AAK1: variants seen among roughly 807,000 people sequenced by gnomAD.
The protein encoded by AAK1 is AP2-associated protein kinase 1.
In AAK1, 37 loss-of-function variants were observed where a neutral mutation model predicts 116.0. The ratio of observed to expected loss-of-function variants is 0.32; its 90% CI spans 0.25 to 0.42. The LOEUF is 0.42. AAK1 is among the 10% of genes least tolerant of loss of function. The probability of loss-of-function intolerance (pLI) is 1.00; values close to 1 mark genes in which losing one functional copy is unlikely to be tolerated. For synonymous variants in AAK1, 458 were observed against 439.9 expected (o/e 1.04, Z -0.51); for missense variants, 919 against 1,170.6 (o/e 0.79, Z 3.14).
chr2:69,551,731 G>A (rs1379175640), intron 3 of AAK1, among the ~76,000 whole-genome samples: 1 of 152,162 alleles, frequency 6.6e-6, no homozygotes, highest in African/African-American at 2.4e-5. Context: ...CAGGCAAAGG[G>A]ATCAGAAGTC....
chr2:69,588,291 C>T (rs934953184), intron 2 of AAK1, among the ~76,000 whole-genome samples: 1 of 152,202 alleles, frequency 6.6e-6, no homozygotes, highest in East Asian at 1.9e-4. Flanking sequence ...TCCTCCACCC[C>T]CTTCTTTCCT....
chr2:69,610,030 G>A lies in AAK1; in HGVS notation c.163+32848C>T, dbSNP rs188237546. On this transcript the variant is annotated intron_variant, in intron 2 of 21. Transcript: ENST00000409085. ...CACACCACTGCACTCCAGCCTGGGC[G>A]ACAGAGTGAGACTCTGTCTCAAAAA... 9.3e-3 allele frequency among the ~76,000 whole-genome samples: 1,218 copies of A among 131,346 alleles called. 15 individuals are homozygous for A. Among genetic ancestry groups the A allele is most frequent in the East Asian group, 0.047 (217 of 4,592 alleles). The allele number at this position is 131,346 out of a possible 152,430, so 86.2% of individuals were successfully genotyped here. A position where few individuals can be genotyped will look rare whatever the true frequency, so the allele number is the denominator to read the frequency against.
intron 6 of AAK1, among the ~76,000 whole-genome samples, chr2:69,531,238 C>T (rs1450979182): frequency 6.6e-6 from 1 of 152,116 alleles, no homozygotes; most frequent in African/African-American, 2.4e-5. Flanking sequence ...AGTATAAGCA[C>T]GTCCTCGAAG....
Position 69,556,984 on chromosome 2 carries a change from A to G in AAK1, c.164-6T>C. 6.3e-7 allele frequency: 1 copy of G among 1,597,388 alleles called. No homozygotes were observed. Among genetic ancestry groups the G allele is most frequent in the South Asian group, 1.1e-5 (1 of 90,674 alleles). ...AAATACAATAGCAAATCCACCTGTG[A>G]GAGAAACACACACAAGCTCTTTTGA... On this transcript the variant is annotated splice_polypyrimidine_tract_variant and splice_region_variant and intron_variant, in intron 2 of 21. Transcript: ENST00000409085.
intron 2 of AAK1, among the ~76,000 whole-genome samples, chr2:69,581,422 C>T (rs1672537601): frequency 6.6e-6 from 1 of 152,100 alleles, no homozygotes; most frequent in African/African-American, 2.4e-5. Context: ...AAACAGTGCA[C>T]TACAATCAGT....
In AAK1 at chr2:69,540,121, C is replaced by CTTTTTTTTTTTTTTTTTTTT. The variant is rs538276702; in HGVS notation, c.534+2401_534+2402insAAAAAAAAAAAAAAAAAAAA. Among the ~76,000 whole-genome samples, 3 of 127,818 alleles carry CTTTTTTTTTTTTTTTTTTTT rather than the reference C, an allele frequency of 2.3e-5. 1 individual carries two copies. The highest frequency in any genetic ancestry group is 6.2e-5 in the African/African-American group (2 of 32,312). The allele number at this position is 127,818 out of a possible 152,430, so 83.9% of individuals were successfully genotyped here. On this transcript the variant is annotated intron_variant, in intron 5 of 21. Coordinates refer to ENST00000409085, the MANE Select transcript of AAK1 (RefSeq NM_014911.5). Reference sequence around the variant, plus strand: ...AACATGCATTCCCTGCCCCACTTGCCTTTTTTTTTTTTTTTTTTGAGACAG... The same window carrying CTTTTTTTTTTTTTTTTTTTT: ...AACATGCATTCCCTGCCCCACTTGCCTTTTTTTTTTTTTTTTTTTTTTTTTTTTTTTTTTTTTTGAGACAG...
At chr2:69,640,014 A>AACACACACACACACACACACACAC (rs376034914) in intron 2 of AAK1, among the ~76,000 whole-genome samples, 1 of 103,750 alleles carries the variant, frequency 9.6e-6, no homozygotes, top group African/African-American at 3.9e-5. Flanking sequence ...ACTCCCCTTT[A>AACACACACACACACACACACACAC]ACACACACAC....
chr2:69,611,607 T>C (rs1207646431), intron 2 of AAK1, among the ~76,000 whole-genome samples: 3 of 152,182 alleles, frequency 2.0e-5, no homozygotes, highest in Non-Finnish European at 2.9e-5. Flanking sequence ...TATATATACA[T>C]ATACCTTATT....
intron 13 of AAK1, 75 bp from the exon 14 acceptor site, chr2:69,509,535 TAAC>T (rs926958405): frequency 7.7e-5 from 98 of 1,274,366 alleles, no homozygotes; most frequent in Non-Finnish European, 8.5e-5. Flanking sequence ...CAGATAAGTG[TAAC>T]AACAACAACA....
chr2:69,480,998 G>A (rs1297217749), intron 18 of AAK1, 37 bp from the exon 19 acceptor site: 9 of 1,481,424 alleles, frequency 6.1e-6, no homozygotes, highest in South Asian at 1.3e-5. Context: ...GAAAGGGTAA[G>A]GGAAAGGGAG....
chr2:69,624,486 TGAA>T (rs1346147651), intron 2 of AAK1, among the ~76,000 whole-genome samples: 2 of 152,214 alleles, frequency 1.3e-5, no homozygotes, highest in Non-Finnish European at 1.5e-5. Flanking sequence ...TGCAAAGTCT[TGAA>T]GAAGAATATA....
At chr2:69,581,784 C>T (rs779882890) in intron 2 of AAK1, among the ~76,000 whole-genome samples, 3 of 152,004 alleles carry the variant, frequency 2.0e-5, no homozygotes, top group Non-Finnish European at 4.4e-5. Context: ...TGAGACCGGC[C>T]TGGGCAACAC....
chr2:69,505,370 AT>A (rs1262081563), intron 16 of AAK1, among the ~76,000 whole-genome samples, 198 bp downstream of exon 16: 1 of 152,122 alleles, frequency 6.6e-6, no homozygotes, highest in Non-Finnish European at 1.5e-5. Flanking sequence ...CTAGATCTTT[AT>A]CCCTTTTTGA....
chr2:69,587,350 T>TATGCGTGTACACACAC (rs1672818889), intron 2 of AAK1, among the ~76,000 whole-genome samples: 1 of 140,728 alleles, frequency 7.1e-6, no homozygotes, highest in African/African-American at 2.9e-5. Flanking sequence ...CACACACACA[T>TATGCGTGTACACACAC]ATATACACAT....
At chr2:69,575,118 T>C (rs1023518563) in intron 2 of AAK1, among the ~76,000 whole-genome samples, 1 of 152,130 alleles carries the variant, frequency 6.6e-6, no homozygotes, top group African/African-American at 2.4e-5. Context: ...TGATCTATGT[T>C]CTATAATGAC....
intron 2 of AAK1, among the ~76,000 whole-genome samples, chr2:69,618,922 T>A (rs1288389966): frequency 6.6e-6 from 1 of 152,134 alleles, no homozygotes; most frequent in East Asian, 1.9e-4. Flanking sequence ...GGCCTGACCA[T>A]CCAGTCCTCC....
At chr2:69,640,204 G>A (rs1013459144) in intron 2 of AAK1, among the ~76,000 whole-genome samples, 3 of 151,864 alleles carry the variant, frequency 2.0e-5, no homozygotes, top group African/African-American at 7.3e-5. Context: ...AGCCCATTAA[G>A]CAGTGGTTCT....
chr2:69,468,584 C>G lies in AAK1; in HGVS notation c.*7285G>C. ...AACTTAGTCAAGCCAGTGACCAACT[C>G]TGGCATCATACAGGTCAATAATCCA... On this transcript the variant is annotated 3_prime_UTR_variant, in exon 22 of 22. Coordinates refer to ENST00000409085, the MANE Select transcript of AAK1 (RefSeq NM_014911.5). The G allele has an allele frequency of 1.0e-6, 1 of 985,412 alleles. No individual in the cohort carries two copies. Among genetic ancestry groups the G allele is most frequent in the Non-Finnish European group, 1.2e-6 (1 of 829,934 alleles). The allele number at this position is 985,412 out of a possible 1,614,324, so 61.0% of individuals were successfully genotyped here.
intron 18 of AAK1, chr2:69,482,459 T>C: frequency 1.6e-6 from 1 of 608,764 alleles, no homozygotes; most frequent in East Asian, 2.8e-5. Context: ...ATGTGAAACT[T>C]TCCACATTCC....
Sources: allele counts gnomAD v4.1 joint callset (sites outside exome capture counted in the v4.1 genomes callset), GRCh38; gene constraint gnomAD v4.1.1; transcripts MANE v1.5; gene names NCBI Gene and HGNC (gene_info 2026-07-23, HGNC 2026-07-21).